Variants in ZFP3 observed in about 807,000 individuals in gnomAD.
ZFP3 encodes ZFP3 zinc finger protein.
Under a neutral mutation model 36.7 loss-of-function variants are expected in ZFP3, and 18 were observed. That is an observed-to-expected ratio of 0.49 (90% CI 0.34 to 0.73). The LOEUF is 0.73. Ranked by LOEUF, ZFP3 falls within the 30% of genes least tolerant of loss-of-function variation. The pLI is 0.01. For synonymous variants in ZFP3, 218 were observed against 199.0 expected, an observed-to-expected ratio of 1.10 and a Z score of -0.81; for missense variants, 495 against 599.0, an observed-to-expected ratio of 0.83 and a Z score of 1.81.
Position 5,092,560 on chromosome 17 carries a change from T to G in ZFP3, c.1056T>G (p.Ile352Met). The G allele has an allele frequency of 1.2e-6, 2 of 1,614,142 alleles. No individual in the cohort carries two copies. The highest frequency in any genetic ancestry group is 1.7e-6 in the Non-Finnish European group (2 of 1,180,036). Residue 352 changes from isoleucine (I) to methionine (M), a missense_variant, in exon 2 of 2, where the codon ATT (isoleucine) becomes ATG (methionine). Transcript: ENST00000318833. The surrounding 1 kb of genome is among the most constrained non-coding windows in gnomAD (Gnocchi z 5.0). ...CGKTFGQNSE[I>M]IRHIRIHTGE... Reference sequence around the variant, plus strand: ...AAACTTTTGGCCAGAACTCAGAGATTATTAGACATATTAGAATTCATACTG... The same window carrying G: ...AAACTTTTGGCCAGAACTCAGAGATGATTAGACATATTAGAATTCATACTG...
chr17:5,079,776 A>G lies in ZFP3; in HGVS notation c.-9+1201A>G, dbSNP rs550915346. 2.4e-3 allele frequency among the ~76,000 whole-genome samples: 359 copies of G among 152,290 alleles called. 4 individuals are homozygous for G. Among genetic ancestry groups the G allele is most frequent in the African/African-American group, 8.3e-3 (345 of 41,564 alleles). ...GGGGGTCAGCTGGGCGTGATGGCTC[A>G]TGCCTGTAATCCCAGCACTTTGGGA... is the stretch of plus-strand genomic sequence containing the variant. On this transcript the variant is annotated intron_variant, in intron 1 of 1. Transcript: ENST00000318833.
intron 1 of ZFP3, among the ~76,000 whole-genome samples, chr17:5,081,633 G>A (rs971270193): frequency 3.3e-5 from 5 of 150,622 alleles, no homozygotes; most frequent in African/African-American, 9.8e-5. Context: ...ACGGAGTCTC[G>A]CTCTATCACC....
chr17:5,079,073 G>C (rs1438434488), intron 1 of ZFP3, among the ~76,000 whole-genome samples: 1 of 152,250 alleles, frequency 6.6e-6, no homozygotes, highest in Non-Finnish European at 1.5e-5. Context: ...AGGGAGAAGA[G>C]AGGAAAGGAG....
At chr17:5,091,438 G>GTGTTAGC in intron 1 of ZFP3, 59 bp from the exon 2 acceptor site, 1 of 1,518,674 alleles carries the variant, frequency 6.6e-7, no homozygotes, top group Non-Finnish European at 8.9e-7. Flanking sequence ...TTGTCCTCTA[G>GTGTTAGC]TGTTAGCTTC....
Position 5,092,051 on chromosome 17 carries a change from A to G in ZFP3, c.547A>G (p.Ser183Gly). The G allele has an allele frequency of 1.2e-6, 2 of 1,614,212 alleles. No homozygotes were observed. Among genetic ancestry groups the G allele is most frequent in the African/African-American group, 2.7e-5 (2 of 75,048 alleles). ...ECGKTFGTNS[S>G]LRRHLRIHAG... is the part of the protein sequence containing the mutation. The stretch of plus-strand genomic sequence containing the variant: ...TGGAAAGACATTTGGAACTAATTCA[A>G]GCCTTCGACGGCACCTGAGAATTCA... The change falls in exon 2 of 2, where the codon AGC (serine) becomes GGC (glycine). Residue 183 changes from serine (S) to glycine (G), a missense_variant. Coordinates refer to ENST00000318833, the MANE Select transcript of ZFP3 (RefSeq NM_153018.3). This position sits in a 1 kb window ranked among gnomAD's most constrained non-coding sequence, Gnocchi z 5.0.
intron 1 of ZFP3, among the ~76,000 whole-genome samples, chr17:5,088,550 G>A (rs938611888): frequency 2.0e-5 from 3 of 148,406 alleles, no homozygotes; most frequent in Non-Finnish European, 4.4e-5. Context: ...TCCTGATCTC[G>A]TGATCCTCCC....
chr17:5,090,050 G>A (rs1334731162), intron 1 of ZFP3, among the ~76,000 whole-genome samples: 5 of 152,254 alleles, frequency 3.3e-5, no homozygotes, highest in Middle Eastern at 3.4e-3. Flanking sequence ...CAACAGCATT[G>A]CTATATATAT....
Position 5,093,166 on chromosome 17 carries a change from G to T in ZFP3, c.*153G>T. 6.8e-6 allele frequency: 5 copies of T among 735,252 alleles called. No homozygotes were observed. The highest frequency in any genetic ancestry group is 9.8e-6 in the Non-Finnish European group (5 of 508,530). 45.5% of individuals were successfully genotyped at this position (735,252 alleles called of 1,614,324 possible). On this transcript the variant is annotated 3_prime_UTR_variant, in exon 2 of 2. Transcript: ENST00000318833. ...TGATTTTAAATAGTTGGTTGAAGAA[G>T]ATGAGGCACTTTTTTTTTTTTTTTT...
At chr17:5,086,725 T>G (rs113552343) in intron 1 of ZFP3, among the ~76,000 whole-genome samples, 1 of 78,990 alleles carries the variant, frequency 1.3e-5, no homozygotes, top group African/African-American at 6.0e-5. Context: ...ATTTTCTTTC[T>G]TTTTTTTTTT....
At chr17:5,088,871 C>T (rs1391468403) in intron 1 of ZFP3, among the ~76,000 whole-genome samples, 1 of 152,208 alleles carries the variant, frequency 6.6e-6, no homozygotes, top group Non-Finnish European at 1.5e-5. Flanking sequence ...TCTGCAATGT[C>T]TAAAGGATGA....
At position 5,092,567 on chromosome 17, in the gene ZFP3, CAT is replaced by C; in HGVS notation, c.1066_1067del (p.Ile356Ter). 6.2e-7 allele frequency: 1 copy of C among 1,614,102 alleles called. No homozygotes were observed. Among genetic ancestry groups the C allele is most frequent in the Non-Finnish European group, 8.5e-7 (1 of 1,180,024 alleles). On this transcript the variant is annotated frameshift_variant, in exon 2 of 2. Transcript: ENST00000318833. LOFTEE classifies it high-confidence loss of function. The surrounding 1 kb of genome is among the most constrained non-coding windows in gnomAD (Gnocchi z 5.0). ...TFGQNSEIIRHIRIHTGEKPY... is the reference protein window; with the variant it reads ...TFGQNSEIIRXIRIHTGEKPY... ...TGGCCAGAACTCAGAGATTATTAGA[CAT>C]ATTAGAATTCATACTGGTGAGAAGC...
At chr17:5,083,481 C>T (rs1321489495) in intron 1 of ZFP3, among the ~76,000 whole-genome samples, 1 of 149,952 alleles carries the variant, frequency 6.7e-6, no homozygotes, top group Non-Finnish European at 1.5e-5. Flanking sequence ...TGCTTGAACC[C>T]GGAAGGTGGA....
intron 1 of ZFP3, among the ~76,000 whole-genome samples, chr17:5,087,688 C>G (rs1007198521): frequency 2.6e-5 from 4 of 152,114 alleles, no homozygotes; most frequent in Non-Finnish European, 5.9e-5. Context: ...GTTACTGGAA[C>G]CCAGACAGTG....
chr17:5,080,966 C>T (rs2072090027), intron 1 of ZFP3, among the ~76,000 whole-genome samples: 1 of 152,136 alleles, frequency 6.6e-6, no homozygotes, highest in African/African-American at 2.4e-5. Context: ...AGTTGCTTAG[C>T]ACATGGTGAG....
At chr17:5,083,876 C>CTTTTCTTTTCTT (rs1327289688) in intron 1 of ZFP3, among the ~76,000 whole-genome samples, 1 of 138,504 alleles carries the variant, frequency 7.2e-6, no homozygotes, top group African/African-American at 2.5e-5. Flanking sequence ...CTTTTCTTTT[C>CTTTTCTTTTCTT]TTTTTTTTGA....
rs759370513 is a variant in ZFP3, at chr17:5,091,902, G to A, written c.398G>A (p.Arg133Lys). The A allele has an allele frequency of 6.2e-6, 10 of 1,614,078 alleles. No homozygotes were observed. Among genetic ancestry groups the A allele is most frequent in the Non-Finnish European group, 7.6e-6 (9 of 1,180,054 alleles). Residue 133 changes from arginine (R) to lysine (K), a missense_variant, in exon 2 of 2, where the codon AGA becomes AAA. Physicochemically the swap from Arg to Lys is conservative, Grantham distance 26. Transcript: ENST00000318833. ...ATTTTAGAATCTAACAAAACACAGA[G>A]AAGTTCTGTGGGAGAAAAGCCTCAT... ...LEILESNKTQ[R>K]SSVGEKPHTC... is the part of the protein sequence containing the mutation.
In ZFP3 at chr17:5,095,679, A is replaced by G. The variant is rs888512108; in HGVS notation, c.*2666A>G. 4 of 166,524 alleles carry G rather than the reference A, an allele frequency of 2.4e-5. No individual in the cohort carries two copies. The highest frequency in any genetic ancestry group is 9.7e-5 in the African/African-American group (4 of 41,226). The allele number at this position is 166,524 out of a possible 1,614,324, so 10.3% of individuals were successfully genotyped here. A position where few individuals can be genotyped will look rare whatever the true frequency, so the allele number is the denominator to read the frequency against. ...TCAGAAGTACCTTACTGGCCAAACC[A>G]ATGAAGGTTTTCCTCTTGTCCTCCC... On this transcript the variant is annotated 3_prime_UTR_variant, in exon 2 of 2. Coordinates refer to ENST00000318833, the MANE Select transcript of ZFP3 (RefSeq NM_153018.3).
chr17:5,084,659 C>G (rs1388890908), intron 1 of ZFP3, among the ~76,000 whole-genome samples: 1 of 152,186 alleles, frequency 6.6e-6, no homozygotes, highest in Non-Finnish European at 1.5e-5. Flanking sequence ...CTATTCTGAG[C>G]TGTGGAAACC....
At position 5,093,053 on chromosome 17, in the gene ZFP3, C is replaced by G. The variant is rs2072159342; in HGVS notation, c.*40C>G. The G allele has an allele frequency of 1.3e-6, 2 of 1,519,258 alleles. No individual in the cohort carries two copies. Among genetic ancestry groups the G allele is most frequent in the Non-Finnish European group, 1.8e-6 (2 of 1,135,874 alleles). The allele number at this position is 1,519,258 out of a possible 1,614,324, so 94.1% of individuals were successfully genotyped here. A position where few individuals can be genotyped will look rare whatever the true frequency, so the allele number is the denominator to read the frequency against. On this transcript the variant is annotated 3_prime_UTR_variant, in exon 2 of 2. Transcript: ENST00000318833. ...AAGCTTTTAGTGGAAAAGCTAAAGT[C>G]CAACTTATTCATTTGTTCATAATAT...
Sources: gnomAD v4.1 joint callset for allele counts (sites outside exome capture counted in the v4.1 genomes callset) on GRCh38, gnomAD v4.1.1 for gene constraint, Gnocchi (gnomAD v3.1) non-coding constraint, MANE v1.5 for transcripts, NCBI Gene and HGNC (gene_info 2026-07-23, HGNC 2026-07-21) for gene names.